The following SDK2 variants were observed in gnomAD, a reference collection of about 807,000 sequenced individuals.
SDK2 encodes protein sidekick-2.
In SDK2, 105 loss-of-function variants were observed where a neutral mutation model predicts 253.9. The ratio of observed to expected loss-of-function variants is 0.41; its 90% CI spans 0.35 to 0.49. The LOEUF (loss-of-function observed/expected upper bound fraction) is 0.49, where lower values mean the gene tolerates loss of function less well. Ranked by LOEUF, SDK2 falls within the 20% of genes least tolerant of loss-of-function variation. SDK2 has a pLI of 0.06. For missense variants in SDK2, 2,608 were observed against 3,003.0 expected (o/e 0.87, Z 3.07); for synonymous variants, 1,249 against 1,234.9 (o/e 1.01, Z -0.24).
At chr17:73,392,274 T>C (rs1295850896) in intron 27 of SDK2, among the ~76,000 whole-genome samples, 1 of 74,046 alleles carries the variant, frequency 1.4e-5, no homozygotes, top group East Asian at 8.5e-4. Flanking sequence ...TTTCCAAACT[T>C]TTTTTTTTTT....
chr17:73,342,045 C>G (rs1034377455), intron 44 of SDK2, among the ~76,000 whole-genome samples: 3 of 152,098 alleles, frequency 2.0e-5, no homozygotes, highest in Non-Finnish European at 2.9e-5. Flanking sequence ...CACTCCTGCA[C>G]TCCTGCCTGG....
intron 2 of SDK2, among the ~76,000 whole-genome samples, chr17:73,494,064 C>T (rs1007510775): frequency 5.3e-5 from 8 of 152,286 alleles, no homozygotes; most frequent in Admixed American, 3.3e-4. Context: ...CCTGACCCGG[C>T]GAGTCCCTCT....
At chr17:73,509,329 G>A (rs1567813786) in intron 1 of SDK2, among the ~76,000 whole-genome samples, 1 of 152,208 alleles carries the variant, frequency 6.6e-6, no homozygotes, top group Non-Finnish European at 1.5e-5. Context: ...TTCTGCCAAT[G>A]TTCATTTCCT....
At chr17:73,444,339 A>G (rs1284715805) in intron 5 of SDK2, among the ~76,000 whole-genome samples, 2 of 152,170 alleles carry the variant, frequency 1.3e-5, no homozygotes, top group Non-Finnish European at 2.9e-5. Flanking sequence ...TTTACTGTTA[A>G]TGAAGGTCAC....
At chr17:73,510,333 C>T (rs746324946) in intron 1 of SDK2, among the ~76,000 whole-genome samples, 5 of 152,116 alleles carry the variant, frequency 3.3e-5, no homozygotes, top group Admixed American at 6.5e-5. Flanking sequence ...ATATAACCTG[C>T]GGCAGGTTGG....
intron 32 of SDK2, among the ~76,000 whole-genome samples, chr17:73,385,173 G>T (rs553254010): frequency 6.6e-6 from 1 of 152,260 alleles, no homozygotes; most frequent in South Asian, 2.1e-4. Flanking sequence ...TTTGCCAGGG[G>T]TCCCTCTCAT....
chr17:73,424,462 C>T (rs1409826789), intron 12 of SDK2, among the ~76,000 whole-genome samples: 1 of 152,164 alleles, frequency 6.6e-6, no homozygotes, highest in Admixed American at 6.5e-5. Flanking sequence ...AAAAGGAATG[C>T]AAGTTTCCTC....
rs115390799 is a variant in SDK2 at position 73,628,333 on chromosome 17, T to C, written c.64+15692A>G. Among the ~76,000 whole-genome samples, 194 of 152,300 alleles carry C rather than the reference T, an allele frequency of 1.3e-3. 1 individual carries two copies. Among genetic ancestry groups the C allele is most frequent in the African/African-American group, 3.8e-3 (156 of 41,572 alleles). The stretch of plus-strand genomic sequence containing the variant: ...CCAGCACTCATAAGCCATGCTACTC[T>C]GGGCAAGCTGCTGGGCTCTCTGTGT... On this transcript the variant is annotated intron_variant, in intron 1 of 44. Coordinates refer to ENST00000392650, the MANE Select transcript of SDK2 (RefSeq NM_001144952.2).
chr17:73,441,951 A>G (rs1325842380), intron 5 of SDK2, among the ~76,000 whole-genome samples: 1 of 152,234 alleles, frequency 6.6e-6, no homozygotes, highest in East Asian at 1.9e-4. Context: ...ATGAGGGCCA[A>G]TGAGGGTCCC....
At chr17:73,606,664 C>A (rs541494110) in intron 1 of SDK2, among the ~76,000 whole-genome samples, 41 of 151,994 alleles carry the variant, frequency 2.7e-4, no homozygotes, top group Non-Finnish European at 5.3e-4. Context: ...TGGTTCCCTG[C>A]AGAGCCTGTT....
In SDK2 at chr17:73,394,333, GA is replaced by G; in HGVS notation, c.3593-10del. ...GGGGCCGGAAGAGGGAACTGTGGGG[GA>G]AAGGGAGTGGAGAGAAGGCACTCAG... On this transcript the variant is annotated splice_polypyrimidine_tract_variant and intron_variant, in intron 25 of 44. Coordinates refer to ENST00000392650, the MANE Select transcript of SDK2 (RefSeq NM_001144952.2). The G allele has an allele frequency of 6.4e-7, 1 of 1,552,632 alleles. No individual in the cohort carries two copies. Among genetic ancestry groups the G allele is most frequent in the Non-Finnish European group, 8.7e-7 (1 of 1,143,068 alleles).
intron 1 of SDK2, among the ~76,000 whole-genome samples, chr17:73,636,298 G>C (rs1468666552): frequency 2.6e-5 from 4 of 152,116 alleles, no homozygotes; most frequent in Non-Finnish European, 5.9e-5. Flanking sequence ...TGGTTGTAAT[G>C]CACCTTGCCA....
At chr17:73,376,246 T>G (rs955688083) in intron 36 of SDK2, among the ~76,000 whole-genome samples, 1 of 146,098 alleles carries the variant, frequency 6.8e-6, no homozygotes, top group African/African-American at 2.6e-5. Context: ...TCCCCTAACC[T>G]GCTTCATTTA....
At position 73,447,759 on chromosome 17, in the gene SDK2, G is replaced by C. The variant is rs1567778867; in HGVS notation, c.480-11C>G. On this transcript the variant is annotated splice_polypyrimidine_tract_variant and intron_variant, in intron 4 of 44. Coordinates refer to ENST00000392650, the MANE Select transcript of SDK2 (RefSeq NM_001144952.2). This position sits in a 1 kb window ranked among gnomAD's most constrained non-coding sequence, Gnocchi z 4.0. ...TCCAGCGTGATGGCTCTGGGAAGAG[G>C]AAAAGGATTCCTCTGACAGGGGCCT... is the stretch of plus-strand genomic sequence containing the variant. 1 of 1,551,512 alleles carries C rather than the reference G, an allele frequency of 6.4e-7. No homozygotes were observed.
intron 1 of SDK2, among the ~76,000 whole-genome samples, chr17:73,550,661 A>G (rs1327872283): frequency 6.6e-6 from 1 of 152,238 alleles, no homozygotes; most frequent in Non-Finnish European, 1.5e-5. Context: ...ATGGAGTCAG[A>G]GTCCACTCAA....
intron 1 of SDK2, among the ~76,000 whole-genome samples, chr17:73,596,986 C>T (rs945843637): frequency 6.6e-6 from 1 of 152,192 alleles, no homozygotes; most frequent in African/African-American, 2.4e-5. Context: ...GGGAGTCCGG[C>T]GCCCTAGGAA....
chr17:73,554,227 A>G (rs569030983), intron 1 of SDK2, among the ~76,000 whole-genome samples: 96 of 152,222 alleles, frequency 6.3e-4, no homozygotes, highest in Admixed American at 1.0e-3. Flanking sequence ...ACACAGGGGC[A>G]GCTCATCAAT....
intron 1 of SDK2, among the ~76,000 whole-genome samples, chr17:73,545,851 G>A (rs942741051): frequency 1.3e-5 from 2 of 152,174 alleles, no homozygotes; most frequent in Non-Finnish European, 1.5e-5. Flanking sequence ...CCTGGGAGAG[G>A]GTCTCTGAGG....
chr17:73,533,696 C>CCCCCCCCCCCCCCCCCCCCCCA (rs1254368144), intron 1 of SDK2, among the ~76,000 whole-genome samples: 1 of 139,610 alleles, frequency 7.2e-6, no homozygotes, highest in Admixed American at 7.0e-5. Flanking sequence ...CCCCCACCCC[C>CCCCCCCCCCCCCCCCCCCCCCA]CCAGACAAAT....
Sources: gnomAD v4.1 joint callset for allele counts (sites outside exome capture counted in the v4.1 genomes callset) on GRCh38, gnomAD v4.1.1 for gene constraint, Gnocchi (gnomAD v3.1) non-coding constraint, MANE v1.5 for transcripts, NCBI Gene and HGNC (gene_info 2026-07-23, HGNC 2026-07-21) for gene names.